The following CTNND2 variants were observed in gnomAD, a reference collection of about 807,000 sequenced individuals.
CTNND2 encodes catenin delta 2, also known as catenin delta-2.
A neutral mutation model predicts 144.4 loss-of-function variants in CTNND2; 22 were observed. That is an observed-to-expected ratio of 0.15 (90% CI 0.11 to 0.22). The LOEUF is 0.22. Ranked by LOEUF, CTNND2 falls within the 10% of genes least tolerant of loss-of-function variation. The pLI is 1.00. For missense variants in CTNND2, 1,353 were observed against 1,618.8 expected (o/e 0.84, Z 2.82); for synonymous variants, 751 against 695.6 (o/e 1.08, Z -1.25).
chr5:11,047,982 A>G (rs1745448848), intron 16 of CTNND2, among the ~76,000 whole-genome samples: 1 of 152,220 alleles, frequency 6.6e-6, no homozygotes, highest in Non-Finnish European at 1.5e-5. Context: ...GGGTTCCACC[A>G]TTTAGGGAGG....
chr5:11,324,874 T>G (rs1186060399), intron 9 of CTNND2, among the ~76,000 whole-genome samples: 1 of 152,186 alleles, frequency 6.6e-6, no homozygotes, highest in East Asian at 1.9e-4. Context: ...TGAAATTTAC[T>G]AAGAACTGAG....
intron 3 of CTNND2, among the ~76,000 whole-genome samples, chr5:11,455,370 T>C (rs1209070033): frequency 6.6e-6 from 1 of 152,198 alleles, no homozygotes; most frequent in East Asian, 1.9e-4. Flanking sequence ...TTAATGTTTT[T>C]CTAATTCACG....
rs61749856 is a variant in CTNND2, at chr5:11,383,212, G to A, written c.1177+1453C>T. ...GAAATGAAATGGCCTCTAGTAGGAC[G>A]CCTGGACTCCCTGCGCCTCAGTCTC... On this transcript the variant is annotated intron_variant, in intron 7 of 21. Transcript: ENST00000304623. Among the ~76,000 whole-genome samples the A allele has an allele frequency of 6.1e-3, 928 of 152,176 alleles. 8 individuals carry two copies. Among genetic ancestry groups the A allele is most frequent in the African/African-American group, 0.019 (802 of 41,512 alleles).
chr5:11,862,375 T>C (rs1795543006), intron 1 of CTNND2, among the ~76,000 whole-genome samples: 2 of 152,208 alleles, frequency 1.3e-5, no homozygotes, highest in Admixed American at 6.5e-5. Flanking sequence ...TTTGGGACGG[T>C]TCCCTCTCAA....
chr5:11,263,614 G>A (rs1745140726), intron 9 of CTNND2, among the ~76,000 whole-genome samples: 1 of 152,026 alleles, frequency 6.6e-6, no homozygotes, highest in African/African-American at 2.4e-5. Flanking sequence ...GAGAATAAAC[G>A]TGAATAATGT....
chr5:11,097,255 G>A (rs1362291577), intron 15 of CTNND2, among the ~76,000 whole-genome samples: 1 of 152,188 alleles, frequency 6.6e-6, no homozygotes, highest in Non-Finnish European at 1.5e-5. Flanking sequence ...ATTCCAGGAA[G>A]TGATTTCCAT....
In CTNND2 at chr5:11,844,204, A is replaced by G. The variant is rs1238194565; in HGVS notation, c.37+59613T>C. Among the ~76,000 whole-genome samples, 5 of 152,306 alleles carry G rather than the reference A, an allele frequency of 3.3e-5. No homozygotes were observed. The East Asian group carries it at 9.6e-4, about 29-fold the overall frequency. ...AAAGCCCATGCATATTTATTTTAATAAAATAGGTGTTACTTAGGGATGAAC... is the reference window on the plus strand; with the variant it reads ...AAAGCCCATGCATATTTATTTTAATGAAATAGGTGTTACTTAGGGATGAAC... On this transcript the variant is annotated intron_variant, in intron 1 of 21. Coordinates refer to ENST00000304623, the MANE Select transcript of CTNND2 (RefSeq NM_001332.4).
chr5:11,651,151 C>G (rs968072483), intron 2 of CTNND2, among the ~76,000 whole-genome samples: 1 of 152,154 alleles, frequency 6.6e-6, no homozygotes, highest in African/African-American at 2.4e-5. Context: ...CAGGGCCCCA[C>G]CACTCTGTGC....
At chr5:11,310,029 C>T (rs1177589695) in intron 9 of CTNND2, among the ~76,000 whole-genome samples, 1 of 152,144 alleles carries the variant, frequency 6.6e-6, no homozygotes, top group South Asian at 2.1e-4. Context: ...GCCAATTAAA[C>T]CTCTTTGCTT....
intron 19 of CTNND2, among the ~76,000 whole-genome samples, chr5:10,989,729 A>T (rs1381678118): frequency 2.0e-5 from 3 of 152,198 alleles, no homozygotes; most frequent in African/African-American, 7.2e-5. Context: ...CAAGGCAGAC[A>T]TGCAGATCAC....
intron 3 of CTNND2, among the ~76,000 whole-genome samples, chr5:11,498,656 C>A (rs927732661): frequency 5.9e-5 from 9 of 152,210 alleles, no homozygotes; most frequent in Admixed American, 2.0e-4. Flanking sequence ...TTCCATACAG[C>A]CAATAAAATG....
chr5:11,193,198 C>T (rs911442122), intron 11 of CTNND2, among the ~76,000 whole-genome samples: 1 of 152,210 alleles, frequency 6.6e-6, no homozygotes, highest in African/African-American at 2.4e-5. Flanking sequence ...GATTTTTACA[C>T]ATCAGCTAAC....
chr5:11,014,690 G>C (rs751894938), intron 18 of CTNND2, among the ~76,000 whole-genome samples: 6 of 152,100 alleles, frequency 3.9e-5, no homozygotes, highest in Non-Finnish European at 7.4e-5. Flanking sequence ...ATTCTGATTT[G>C]AATCAGAATG....
At chr5:11,332,294 G>A (rs2149717534) in intron 9 of CTNND2, among the ~76,000 whole-genome samples, 1 of 150,706 alleles carries the variant, frequency 6.6e-6, no homozygotes, top group South Asian at 2.1e-4. Flanking sequence ...AAAAAAAAAG[G>A]TGGGCTTTCG....
chr5:11,797,655 A>C (rs892262969), intron 1 of CTNND2, among the ~76,000 whole-genome samples: 1 of 152,242 alleles, frequency 6.6e-6, no homozygotes, highest in Non-Finnish European at 1.5e-5. Flanking sequence ...ATTTTATAGA[A>C]GTAAAATTAT....
intron 6 of CTNND2, among the ~76,000 whole-genome samples, chr5:11,390,716 G>T (rs1339431292): frequency 6.6e-6 from 1 of 152,228 alleles, no homozygotes; most frequent in Non-Finnish European, 1.5e-5. Flanking sequence ...ACAGTGTCAG[G>T]AATGGAGAAC....
intron 10 of CTNND2, among the ~76,000 whole-genome samples, chr5:11,227,173 G>A (rs1296633988): frequency 6.6e-6 from 1 of 152,204 alleles, no homozygotes. Flanking sequence ...ACATTTAACT[G>A]TTGGAAAGAG....
intron 1 of CTNND2, among the ~76,000 whole-genome samples, chr5:11,796,995 G>A (rs1791438884): frequency 6.6e-6 from 1 of 152,162 alleles, no homozygotes; most frequent in South Asian, 2.1e-4. Flanking sequence ...ACACTGGATT[G>A]TGTTTACATT....
intron 3 of CTNND2, among the ~76,000 whole-genome samples, chr5:11,422,408 A>T (rs1274882983): frequency 6.6e-6 from 1 of 152,220 alleles, no homozygotes; most frequent in African/African-American, 2.4e-5. Flanking sequence ...GGAGAAAATA[A>T]ATCAGAACTA....
Sources: gnomAD v4.1 joint callset for allele counts (sites outside exome capture counted in the v4.1 genomes callset) on GRCh38, gnomAD v4.1.1 for gene constraint, MANE v1.5 for transcripts, NCBI Gene and HGNC (gene_info 2026-07-23, HGNC 2026-07-21) for gene names.